Variants in KLF8 observed in about 807,000 individuals in gnomAD.
The protein encoded by KLF8 is KLF transcription factor 8.
In KLF8, 10 loss-of-function variants were observed where a neutral mutation model predicts 18.2. That is an observed-to-expected ratio of 0.55 (90% CI 0.34 to 0.93). The LOEUF is 0.93. KLF8 is among the 40% of genes least tolerant of loss of function. The pLI, the probability that KLF8 is intolerant of heterozygous loss-of-function variation, is 0.02. For synonymous variants in KLF8, 109 were observed against 97.3 expected (o/e 1.12, Z -0.71); for missense variants, 264 against 277.9 (o/e 0.95, Z 0.36).
chrX:56,107,180 C>A, the KLF8 span, among the ~76,000 whole-genome samples: 1 of 112,109 alleles, frequency 8.9e-6, no homozygotes, highest in South Asian at 3.7e-4. Flanking sequence ...GGGTCGGGGA[C>A]CCACTGGAGT....
the KLF8 span, among the ~76,000 whole-genome samples, chrX:55,995,229 T>G: frequency 8.9e-6 from 1 of 112,601 alleles, no homozygotes; most frequent in South Asian, 3.7e-4. Context: ...AATTTCTGCT[T>G]TTTGTATTGA....
the KLF8 span, among the ~76,000 whole-genome samples, chrX:56,159,150 G>A: frequency 8.9e-6 from 1 of 111,993 alleles, no homozygotes; most frequent in African/African-American, 3.2e-5. Flanking sequence ...ACAATCATAT[G>A]ATTTTTGTCA....
the KLF8 span, among the ~76,000 whole-genome samples, chrX:55,998,192 A>T: frequency 3.6e-5 from 4 of 112,295 alleles, no homozygotes. Flanking sequence ...GATGGAACGT[A>T]CAATCGGGTT....
chrX:56,215,151 A>T, the KLF8 span, among the ~76,000 whole-genome samples: 81 of 111,890 alleles, frequency 7.2e-4, no homozygotes, highest in Non-Finnish European at 1.3e-3. Context: ...TAAGTGCTCA[A>T]TTAAGCATCT....
the KLF8 span, among the ~76,000 whole-genome samples, chrX:55,971,318 A>T: frequency 2.7e-5 from 3 of 111,704 alleles, no homozygotes; most frequent in African/African-American, 9.7e-5. Context: ...AGGAAAGGAC[A>T]GTCTCTTCAA....
At chrX:55,993,410 G>A in the KLF8 span, among the ~76,000 whole-genome samples, 1 of 112,004 alleles carries the variant, frequency 8.9e-6, no homozygotes, top group Non-Finnish European at 1.9e-5. Context: ...TTATTGATTT[G>A]CATATGTTGA....
chrX:56,070,381 G>T, the KLF8 span, among the ~76,000 whole-genome samples: 1 of 111,150 alleles, frequency 9.0e-6, no homozygotes, highest in Non-Finnish European at 1.9e-5. Context: ...AAACCTGCAC[G>T]TTCTGCACAG....
upstream of KLF8, among the ~76,000 whole-genome samples, chrX:56,228,294 C>A (rs1450414817): frequency 1.8e-5 from 2 of 111,769 alleles, no homozygotes; most frequent in Non-Finnish European, 3.8e-5. Context: ...GTGCCAGACA[C>A]TGTGCTTTGT....
the KLF8 span, among the ~76,000 whole-genome samples, chrX:56,104,113 C>T: frequency 3.6e-5 from 4 of 111,755 alleles, no homozygotes; most frequent in Admixed American, 3.8e-4. Flanking sequence ...ATTCAGTTTG[C>T]CAGTATTTTA....
At chrX:56,178,515 T>C in the KLF8 span, among the ~76,000 whole-genome samples, 5 of 112,469 alleles carry the variant, frequency 4.4e-5, no homozygotes, top group Non-Finnish European at 7.5e-5. Flanking sequence ...ATTTTGTCTT[T>C]TGTTGCCATT....
the KLF8 span, among the ~76,000 whole-genome samples, chrX:56,211,913 T>A: frequency 9.0e-6 from 1 of 110,753 alleles, no homozygotes; most frequent in Non-Finnish European, 1.9e-5. Context: ...CAGCTGGTAA[T>A]GTGCTGAATC....
At chrX:56,191,185 A>G in the KLF8 span, among the ~76,000 whole-genome samples, 2 of 111,832 alleles carry the variant, frequency 1.8e-5, no homozygotes, top group East Asian at 5.6e-4. Context: ...GGGCAACTAT[A>G]TGCCAATAAA....
At chrX:56,146,929 A>G in the KLF8 span, among the ~76,000 whole-genome samples, 1 of 112,090 alleles carries the variant, frequency 8.9e-6, no homozygotes, top group Admixed American at 9.5e-5. Context: ...TTCAACTTTA[A>G]GTTGTACTCT....
the KLF8 span, among the ~76,000 whole-genome samples, chrX:56,172,798 G>A: frequency 1.8e-5 from 2 of 111,600 alleles, no homozygotes; most frequent in African/African-American, 6.5e-5. Flanking sequence ...AATCGCCATT[G>A]TAACTGGTGT....
the KLF8 span, among the ~76,000 whole-genome samples, chrX:56,029,606 C>T: frequency 8.9e-6 from 1 of 111,974 alleles, no homozygotes; most frequent in Non-Finnish European, 1.9e-5. Flanking sequence ...GAGCTCGATC[C>T]CCTTCAGTCT....
At chrX:56,208,730 A>T in the KLF8 span, among the ~76,000 whole-genome samples, 1 of 111,773 alleles carries the variant, frequency 8.9e-6, no homozygotes. Context: ...CTGATCATTG[A>T]AGAGCATATT....
intron 5 of KLF8, among the ~76,000 whole-genome samples, chrX:56,273,467 C>T (rs182829268): frequency 1.4e-4 from 15 of 109,176 alleles, no homozygotes; most frequent in African/African-American, 4.7e-4. Flanking sequence ...CACTGCCCCC[C>T]GACCCACTGA....
At chrX:56,078,986 A>G in the KLF8 span, among the ~76,000 whole-genome samples, 1 of 82,407 alleles carries the variant, frequency 1.2e-5, no homozygotes, top group African/African-American at 3.4e-5. Context: ...ATCGATGGTG[A>G]TATCCCCTTT....
At chrX:56,066,867 TC>T in the KLF8 span, among the ~76,000 whole-genome samples, 3 of 110,046 alleles carry the variant, frequency 2.7e-5, no homozygotes, top group Admixed American at 2.9e-4. Flanking sequence ...CAATGTGTTC[TC>T]CAGGCCACTC....
Sources: gnomAD v4.1 joint callset for allele counts (sites outside exome capture counted in the v4.1 genomes callset) on GRCh38, gnomAD v4.1.1 for gene constraint, MANE v1.5 for transcripts, NCBI Gene and HGNC (gene_info 2026-07-23, HGNC 2026-07-21) for gene names.